LIPC: variants seen among roughly 807,000 people sequenced by gnomAD.
The protein encoded by LIPC is hepatic triacylglycerol lipase.
A neutral mutation model predicts 50.7 loss-of-function variants in LIPC; 44 were observed. The observed-to-expected ratio is 0.87, with a 90% CI of 0.68 to 1.11. The LOEUF (loss-of-function observed/expected upper bound fraction) is 1.11, where lower values mean the gene tolerates loss of function less well. Ranked by LOEUF, LIPC falls within the 50% of genes most tolerant of loss-of-function variation. LIPC has a pLI of 0.00. For missense variants in LIPC, 697 were observed against 648.2 expected, an observed-to-expected ratio of 1.08 and a Z score of -0.82; for synonymous variants, 271 against 256.4, an observed-to-expected ratio of 1.06 and a Z score of -0.54.
intron 1 of LIPC, among the ~76,000 whole-genome samples, chr15:58,518,284 C>T (rs1469865477): frequency 6.6e-6 from 1 of 152,148 alleles, no homozygotes; most frequent in African/African-American, 2.4e-5. Context: ...GCAAACTTAC[C>T]CCTCAGTTGA....
chr15:58,562,188 A>G (rs1894188441), intron 7 of LIPC, among the ~76,000 whole-genome samples: 1 of 152,208 alleles, frequency 6.6e-6, no homozygotes, highest in Non-Finnish European at 1.5e-5. Flanking sequence ...TCCTGGTCAG[A>G]CAGGACATCC....
intron 1 of LIPC, among the ~76,000 whole-genome samples, chr15:58,455,860 G>C (rs1358848058): frequency 1.3e-5 from 2 of 152,080 alleles, no homozygotes; most frequent in Non-Finnish European, 2.9e-5. Context: ...TTTTCTTCCA[G>C]AGAGCCAGTT....
At chr15:58,449,114 T>C (rs140258112) in intron 1 of LIPC, among the ~76,000 whole-genome samples, 1,979 of 152,270 alleles carry the variant, frequency 0.013, 55 homozygotes, top group African/African-American at 0.045. Flanking sequence ...CGATTAGTCA[T>C]GCTGGGGAGG....
intron 1 of LIPC, among the ~76,000 whole-genome samples, chr15:58,496,950 G>T (rs891376691): frequency 3.3e-5 from 5 of 152,138 alleles, no homozygotes; most frequent in Admixed American, 1.3e-4. Context: ...CTCCCAAAGT[G>T]CTGGGATTAC....
chr15:58,447,314 G>A (rs1464122865), intron 1 of LIPC, among the ~76,000 whole-genome samples: 2 of 152,068 alleles, frequency 1.3e-5, no homozygotes, highest in East Asian at 1.9e-4. Flanking sequence ...CTCTGAAATC[G>A]CTTGGACTCT....
chr15:58,553,749 TC>T lies in LIPC; in HGVS notation c.1051+5180del, dbSNP rs1893836813. 4.6e-5 allele frequency among the ~76,000 whole-genome samples: 7 copies of T among 152,292 alleles called. No homozygotes were observed. The South Asian group carries it at 1.5e-3, about 32-fold the overall frequency. On this transcript the variant is annotated intron_variant, in intron 6 of 8. Coordinates refer to ENST00000299022, the MANE Select transcript of LIPC (RefSeq NM_000236.3). ...CATACAAAGGCTAACAAAATCACTT[TC>T]CCTTTTTCTTCTTCACTCGCGCCTG... is the stretch of plus-strand genomic sequence containing the variant.
chr15:58,563,831 C>T (rs1000008233), intron 8 of LIPC, 108 bp downstream of exon 8: 2 of 943,634 alleles, frequency 2.1e-6, no homozygotes, highest in Non-Finnish European at 3.3e-6. Flanking sequence ...TATTATTAGG[C>T]CCTAGTGATG....
rs529356033 is a variant in LIPC, at chr15:58,479,755, G to A, written c.88+47635G>A. 2.6e-5 allele frequency among the ~76,000 whole-genome samples: 4 copies of A among 152,278 alleles called. No homozygotes were observed. In the East Asian group the frequency reaches 5.8e-4, roughly 22 times the overall value. On this transcript the variant is annotated intron_variant, in intron 1 of 8. Coordinates refer to ENST00000299022, the MANE Select transcript of LIPC (RefSeq NM_000236.3). ...TGTGGTGCCCAATTCATCTTTCATAGACCAATATTTTGTTTCCCAAATGTG... is the reference window on the plus strand; with the variant it reads ...TGTGGTGCCCAATTCATCTTTCATAAACCAATATTTTGTTTCCCAAATGTG...
chr15:58,528,989 G>A (rs1483179940), intron 1 of LIPC, among the ~76,000 whole-genome samples: 1 of 152,138 alleles, frequency 6.6e-6, no homozygotes, highest in Non-Finnish European at 1.5e-5. Flanking sequence ...GACAGGACTT[G>A]CATATTCCTA....
chr15:58,536,114 C>T (rs1373370861), intron 1 of LIPC, among the ~76,000 whole-genome samples: 8 of 152,162 alleles, frequency 5.3e-5, no homozygotes, highest in African/African-American at 1.9e-4. Flanking sequence ...ATCAGGGAGG[C>T]AGTACGGTGC....
intron 1 of LIPC, chr15:58,434,986 C>T (rs1414642079): frequency 6.6e-6 from 1 of 152,150 alleles, no homozygotes; most frequent in Non-Finnish European, 1.5e-5. Flanking sequence ...TCTGTTCACA[C>T]GTTTCCTCTC....
chr15:58,538,702 A>G (rs1893225172), intron 2 of LIPC, among the ~76,000 whole-genome samples, 185 bp downstream of exon 2: 1 of 152,206 alleles, frequency 6.6e-6, no homozygotes, highest in Admixed American at 6.5e-5. Flanking sequence ...TCTCGATTCC[A>G]TGAGTAAGCA....
intron 1 of LIPC, among the ~76,000 whole-genome samples, chr15:58,496,467 T>C (rs1331612521): frequency 2.0e-5 from 3 of 151,832 alleles, no homozygotes; most frequent in African/African-American, 7.3e-5. Context: ...TAAAAGCTCA[T>C]TGAACAAGGG....
At chr15:58,496,378 T>C (rs1891764243) in intron 1 of LIPC, among the ~76,000 whole-genome samples, 1 of 152,214 alleles carries the variant, frequency 6.6e-6, no homozygotes, top group African/African-American at 2.4e-5. Flanking sequence ...TCTGTATCTT[T>C]ACAAGCAGTC....
chr15:58,471,847 C>G (rs955238416), intron 1 of LIPC, among the ~76,000 whole-genome samples: 2 of 152,226 alleles, frequency 1.3e-5, no homozygotes, highest in Non-Finnish European at 2.9e-5. Context: ...AGTCCAGCCA[C>G]GTGCCCTTTC....
intron 1 of LIPC, among the ~76,000 whole-genome samples, chr15:58,459,599 C>G (rs183769815): frequency 2.0e-5 from 3 of 152,318 alleles, no homozygotes; most frequent in East Asian, 3.9e-4. Flanking sequence ...TTAGTCTTCT[C>G]TGGAGTCATA....
At position 58,568,911 on chromosome 15, in the gene LIPC, A is replaced by G. The variant is rs1894473233; in HGVS notation, c.*84A>G. 8.3e-6 allele frequency: 6 copies of G among 725,480 alleles called. No homozygotes were observed. The highest frequency in any genetic ancestry group is 7.5e-5 in the South Asian group (4 of 53,336). The allele number at this position is 725,480 out of a possible 1,614,324, so 44.9% of individuals were successfully genotyped here. On this transcript the variant is annotated 3_prime_UTR_variant, in exon 9 of 9. Transcript: ENST00000299022. ...TGCCTTATTTAGAAGCCAAAATTACATAAAGAATCTCACACAAAGCTTAAA... is the reference window on the plus strand; with the variant it reads ...TGCCTTATTTAGAAGCCAAAATTACGTAAAGAATCTCACACAAAGCTTAAA...
intron 1 of LIPC, among the ~76,000 whole-genome samples, chr15:58,479,665 T>C (rs1891120444): frequency 6.6e-6 from 1 of 152,232 alleles, no homozygotes; most frequent in Non-Finnish European, 1.5e-5. Context: ...AGAAATGCCA[T>C]CTTTTCTTAC....
intron 1 of LIPC, among the ~76,000 whole-genome samples, chr15:58,489,128 G>A (rs1478752536): frequency 2.7e-5 from 4 of 148,176 alleles, no homozygotes; most frequent in Non-Finnish European, 5.9e-5. Flanking sequence ...TGCCTCCATG[G>A]TAGTATTTGA....
Sources: gnomAD v4.1 joint callset for allele counts (sites outside exome capture counted in the v4.1 genomes callset) on GRCh38, gnomAD v4.1.1 for gene constraint, MANE v1.5 for transcripts, NCBI Gene and HGNC (gene_info 2026-07-23, HGNC 2026-07-21) for gene names.